RBBP5: variants seen among roughly 807,000 people sequenced by gnomAD.
RBBP5 encodes the protein RB binding protein 5, histone lysine methyltransferase complex subunit.
A neutral mutation model predicts 72.2 loss-of-function variants in RBBP5; 5 were observed. That is an observed-to-expected ratio of 0.07 (90% confidence interval 0.04 to 0.15). The LOEUF (loss-of-function observed/expected upper bound fraction) is 0.15, where lower values mean the gene tolerates loss of function less well. Among genes scored for constraint, RBBP5 ranks in the 10% least tolerant of loss-of-function variants. RBBP5 has a pLI of 1.00. For missense variants in RBBP5, 322 were observed against 652.2 expected, an observed-to-expected ratio of 0.49 and a Z score of 5.51; for synonymous variants, 209 against 237.2, an observed-to-expected ratio of 0.88 and a Z score of 1.09.
chr1:205,097,105 T>C lies in RBBP5; in HGVS notation c.1167-194A>G, dbSNP rs79697610. Among the ~76,000 whole-genome samples the C allele has an allele frequency of 3.1e-3, 473 of 152,194 alleles. 2 individuals carry two copies. The highest frequency in any genetic ancestry group is 0.011 in the African/African-American group (463 of 41,520). On this transcript the variant is annotated intron_variant, in intron 11 of 13. Transcript: ENST00000264515. ...TGGTGATAAAAATAAACAGGATAAA[T>C]GAATTATTTTGGTTCCTTAAAATTC...
At position 205,099,000 on chromosome 1, in the gene RBBP5, G is replaced by C; in HGVS notation, c.1085C>G (p.Pro362Arg). 1 of 1,598,978 alleles carries C rather than the reference G, an allele frequency of 6.3e-7. No individual in the cohort carries two copies. The change falls in exon 10 of 14, where the codon CCT (proline) becomes CGT (arginine). Residue 362 changes from proline (P) to arginine (R), a missense_variant. This residue lies in a region of RBBP5 where 30 missense variants were observed against 82.1 expected (regional missense o/e 0.37). Transcript: ENST00000264515. ...TTTAGAAATAGTACCTGTCTGCTCA[G>C]GCTCACTCTTATCTTCATCTTCAAT... ...FDIEDEDKSE[P>R]EQTGADAAED...
At chr1:205,095,481 G>C (rs900791984) in intron 12 of RBBP5, among the ~76,000 whole-genome samples, 23 of 152,132 alleles carry the variant, frequency 1.5e-4, no homozygotes, top group Admixed American at 1.4e-3. Flanking sequence ...TCAAAGATTG[G>C]ACACCCCTGG....
chr1:205,093,372 A>C (rs1451572176), intron 13 of RBBP5, among the ~76,000 whole-genome samples: 9 of 148,216 alleles, frequency 6.1e-5, no homozygotes, highest in Non-Finnish European at 1.3e-4. Flanking sequence ...AGGCAAGAGA[A>C]TCACTTGAAC....
At chr1:205,120,853 C>A (rs1656710675) in intron 1 of RBBP5, among the ~76,000 whole-genome samples, 1 of 151,908 alleles carries the variant, frequency 6.6e-6, no homozygotes, top group South Asian at 2.1e-4. Context: ...TCCTGGTTGA[C>A]TTCTTCCTTT....
At chr1:205,101,065 C>G (rs1258339762) in intron 6 of RBBP5, among the ~76,000 whole-genome samples, 1 of 152,198 alleles carries the variant, frequency 6.6e-6, no homozygotes, top group African/African-American at 2.4e-5. Flanking sequence ...GGGTTCCTAA[C>G]AGGCCAATAC....
intron 3 of RBBP5, among the ~76,000 whole-genome samples, chr1:205,107,665 G>C (rs1656126567): frequency 6.6e-6 from 1 of 152,194 alleles, no homozygotes; most frequent in African/African-American, 2.4e-5. Context: ...CTTTTTCTAA[G>C]CCAGGTGCGG....
rs12409915 is a variant in RBBP5 at position 205,087,348 on chromosome 1, T to C, written c.*1439A>G. ...TGTAGCTGGGATTACAGGCATGTAC[T>C]ACCACGCCCAGCTAATTTTTGTCTT... On this transcript the variant is annotated 3_prime_UTR_variant, in exon 14 of 14. Transcript: ENST00000264515. The C allele has an allele frequency of 0.8, 121,501 of 151,794 alleles. 49,789 individuals carry two copies. The highest frequency in any genetic ancestry group is 0.97 in the East Asian group (4,992 of 5,144). 9.4% of individuals were successfully genotyped at this position (151,794 alleles called of 1,614,324 possible).
Position 205,121,969 on chromosome 1 carries a change from A to G in RBBP5, c.-96T>C. 2 of 1,570,992 alleles carry G rather than the reference A, an allele frequency of 1.3e-6. No homozygotes were observed. Among genetic ancestry groups the G allele is most frequent in the Non-Finnish European group, 1.7e-6 (2 of 1,157,748 alleles). On this transcript the variant is annotated 5_prime_UTR_variant, in exon 1 of 14. Coordinates refer to ENST00000264515, the MANE Select transcript of RBBP5 (RefSeq NM_005057.4). ...TGCGTCTAAGTGGTGGACGCCGCGA[A>G]GAGACTGGCGCAAGCTCCGAAGACT...
In RBBP5 at chr1:205,118,939, G is replaced by A. The variant is rs940427191; in HGVS notation, c.19+2916C>T. Among the ~76,000 whole-genome samples the A allele has an allele frequency of 1.2e-4, 18 of 152,256 alleles. 1 individual carries two copies. The highest frequency in any genetic ancestry group is 2.1e-4 in the Non-Finnish European group (14 of 68,020). On this transcript the variant is annotated intron_variant, in intron 1 of 13. Transcript: ENST00000264515. ...CATTGTCATTCATTTCCTTCATCTG[G>A]CCAGATGTCCTTCAGTAGGCTTCCA...
chr1:205,112,245 G>A lies in RBBP5; in HGVS notation c.218+2544C>T, dbSNP rs534116257. Among the ~76,000 whole-genome samples, 3 of 152,196 alleles carry A rather than the reference G, an allele frequency of 2.0e-5. No individual in the cohort carries two copies. In the East Asian group the frequency reaches 5.8e-4, roughly 29 times the overall value. On this transcript the variant is annotated intron_variant, in intron 3 of 13. Coordinates refer to ENST00000264515, the MANE Select transcript of RBBP5 (RefSeq NM_005057.4). Reference sequence around the variant, plus strand: ...AGGCAGGAGAATTGCCTGAACCCGGGAGGTGGAGGTTGCAGTGAGCCGAGA... The same window carrying A: ...AGGCAGGAGAATTGCCTGAACCCGGAAGGTGGAGGTTGCAGTGAGCCGAGA...
intron 10 of RBBP5, among the ~76,000 whole-genome samples, chr1:205,098,201 C>A (rs892334311): frequency 1.3e-5 from 2 of 152,192 alleles, no homozygotes; most frequent in African/African-American, 4.8e-5. Context: ...AAAGCAGGTA[C>A]TATTACTGTC....
chr1:205,119,641 T>C (rs1656661496), intron 1 of RBBP5, among the ~76,000 whole-genome samples: 1 of 152,144 alleles, frequency 6.6e-6, no homozygotes, highest in Non-Finnish European at 1.5e-5. Context: ...GCCAAAGGAC[T>C]AAACAGAGCA....
intron 3 of RBBP5, among the ~76,000 whole-genome samples, chr1:205,107,317 G>A (rs4951170): frequency 0.025 from 3,733 of 152,038 alleles, 59 homozygotes; most frequent in East Asian, 0.065. Context: ...AATCCACTCC[G>A]AGAAATACAA....
At chr1:205,118,331 G>A (rs1358561508) in intron 1 of RBBP5, among the ~76,000 whole-genome samples, 1 of 152,014 alleles carries the variant, frequency 6.6e-6, no homozygotes, top group African/African-American at 2.4e-5. Flanking sequence ...GAAAATATCG[G>A]CCAGGTGCAG....
At chr1:205,101,823 C>G in intron 5 of RBBP5, 114 bp from the exon 6 acceptor site, 1 of 716,408 alleles carries the variant, frequency 1.4e-6, no homozygotes, top group East Asian at 2.7e-5. Flanking sequence ...TGTCTCTATT[C>G]CCATATATTT....
chr1:205,111,750 T>G (rs1326267157), intron 3 of RBBP5, among the ~76,000 whole-genome samples: 1 of 152,180 alleles, frequency 6.6e-6, no homozygotes, highest in Non-Finnish European at 1.5e-5. Context: ...TAAAAGCTCA[T>G]CATGTGACTT....
intron 3 of RBBP5, among the ~76,000 whole-genome samples, chr1:205,105,552 T>A (rs1656022583): frequency 6.6e-6 from 1 of 152,236 alleles, no homozygotes; most frequent in Non-Finnish European, 1.5e-5. Context: ...ATGATAAGTA[T>A]CTGTTATTTA....
intron 1 of RBBP5, among the ~76,000 whole-genome samples, chr1:205,117,819 T>C (rs1366024058): frequency 6.6e-6 from 1 of 151,970 alleles, no homozygotes; most frequent in Non-Finnish European, 1.5e-5. Context: ...TCCATATATA[T>C]ATTTATTTGT....
At position 205,087,464 on chromosome 1, in the gene RBBP5, G is replaced by C. The variant is rs1655178128; in HGVS notation, c.*1323C>G. The C allele has an allele frequency of 6.6e-6, 1 of 151,282 alleles. No homozygotes were observed. The highest frequency in any genetic ancestry group is 1.5e-5 in the Non-Finnish European group (1 of 67,970). The allele number at this position is 151,282 out of a possible 1,614,324, so 9.4% of individuals were successfully genotyped here. A position where few individuals can be genotyped will look rare whatever the true frequency, so the allele number is the denominator to read the frequency against. ...ACCCGCCTTGGCCTCCCAAAGTGCT[G>C]GGATTACAGGCGTGACCCACCACGC... On this transcript the variant is annotated 3_prime_UTR_variant, in exon 14 of 14. Coordinates refer to ENST00000264515, the MANE Select transcript of RBBP5 (RefSeq NM_005057.4).
Sources: allele counts gnomAD v4.1 joint callset (sites outside exome capture counted in the v4.1 genomes callset), GRCh38; gene constraint gnomAD v4.1.1; regional missense constraint gnomAD v4.1.1; transcripts MANE v1.5; gene names NCBI Gene and HGNC (gene_info 2026-07-23, HGNC 2026-07-21).